The following PLEKHG4B variants were observed in gnomAD, a reference collection of about 807,000 sequenced individuals.
PLEKHG4B encodes the protein pleckstrin homology domain-containing family G member 4B.
A neutral mutation model predicts 121.3 loss-of-function variants in PLEKHG4B; 111 were observed. The observed-to-expected ratio is 0.92, with a 90% CI of 0.78 to 1.07. The LOEUF (loss-of-function observed/expected upper bound fraction) is 1.07. Ranked by LOEUF, PLEKHG4B falls within the 50% of genes least tolerant of loss-of-function variation. The pLI is 0.00. For synonymous variants in PLEKHG4B, 738 were observed against 725.0 expected (o/e 1.02, Z -0.29); for missense variants, 1,831 against 1,757.8 (o/e 1.04, Z -0.74).
chr5:186,179 C>T lies in PLEKHG4B; in HGVS notation c.*3856C>T, dbSNP rs1211120835. The T allele has an allele frequency of 6.6e-6, 1 of 152,138 alleles. No homozygotes were observed. The highest frequency in any genetic ancestry group is 2.1e-4 in the South Asian group (1 of 4,812). The allele number at this position is 152,138 out of a possible 1,614,324, so 9.4% of individuals were successfully genotyped here. On this transcript the variant is annotated 3_prime_UTR_variant, in exon 20 of 20. Coordinates refer to ENST00000637938, the MANE Select transcript of PLEKHG4B (RefSeq NM_052909.5). ...CAGCCCTGGTGTGAAACAGAGGCTT[C>T]CTGCTGGCAGAAGAGGCCCACCGAG...
intron 2 of PLEKHG4B, among the ~76,000 whole-genome samples, chr5:119,221 C>T (rs923977944): frequency 6.6e-6 from 1 of 151,998 alleles, no homozygotes; most frequent in Non-Finnish European, 1.5e-5. Context: ...CAACAAATAC[C>T]AAAGAATTTA....
intron 2 of PLEKHG4B, among the ~76,000 whole-genome samples, chr5:132,891 C>T (rs916821584): frequency 7.2e-5 from 11 of 152,058 alleles, no homozygotes; most frequent in Admixed American, 6.6e-4. Flanking sequence ...TTTTTGGTTC[C>T]ATATGAATGT....
intron 18 of PLEKHG4B, among the ~76,000 whole-genome samples, chr5:180,360 A>G (rs1201234221): frequency 6.6e-6 from 1 of 152,078 alleles, no homozygotes; most frequent in East Asian, 1.9e-4. Flanking sequence ...AATGTCTGGG[A>G]GTTTCCCAGG....
At chr5:155,064 G>C in intron 8 of PLEKHG4B, 73 bp downstream of exon 8, 3 of 1,336,710 alleles carry the variant, frequency 2.2e-6, no homozygotes, top group Non-Finnish European at 3.2e-6. Flanking sequence ...GTTTTTACTA[G>C]AATTTGAAAA....
intron 1 of PLEKHG4B, among the ~76,000 whole-genome samples, chr5:102,423 CA>C (rs747720803): frequency 5.3e-5 from 8 of 151,940 alleles, no homozygotes; most frequent in Non-Finnish European, 7.4e-5. Flanking sequence ...CCTACTAGAG[CA>C]ATGTAAATAA....
chr5:143,183 C>T lies in PLEKHG4B; in HGVS notation c.1614C>T (p.Phe538=). 1 of 1,611,846 alleles carries T rather than the reference C, an allele frequency of 6.2e-7. No individual in the cohort carries two copies. The highest frequency in any genetic ancestry group is 1.1e-5 in the South Asian group (1 of 91,082). The part of the protein sequence containing the change: ...QEGWPPGTGD[F]PSQVPKQVLD... The stretch of plus-strand genomic sequence containing the variant: ...GGTGGCCACCCGGCACAGGAGACTT[C>T]CCCAGCCAGGTGCCCAAGCAGGTGC... Residue 538 remains phenylalanine (F), a synonymous_variant, in exon 4 of 20, where the codon TTC becomes TTT. Transcript: ENST00000637938.
intron 1 of PLEKHG4B, among the ~76,000 whole-genome samples, chr5:93,224 A>G (rs1479995223): frequency 6.6e-6 from 1 of 152,142 alleles, no homozygotes; most frequent in Non-Finnish European, 1.5e-5. Flanking sequence ...TGGGTCCTGA[A>G]TCAAGATTCC....
rs941957486 is a variant in PLEKHG4B at position 157,920 on chromosome 5, T to C, written c.2487+1009T>C. On this transcript the variant is annotated intron_variant, in intron 11 of 19. Transcript: ENST00000637938. The surrounding 1 kb of genome is among the most constrained non-coding windows in gnomAD (Gnocchi z 4.6). ...GGCCTTCAGGTCCATGCGCGTGCCC[T>C]CACGGGGGCCTCCAGACAAAGACGT... Among the ~76,000 whole-genome samples, 3 of 152,150 alleles carry C rather than the reference T, an allele frequency of 2.0e-5. No homozygotes were observed. Among genetic ancestry groups the C allele is most frequent in the Admixed American group, 1.3e-4 (2 of 15,282 alleles).
intron 14 of PLEKHG4B, 45 bp from the exon 15 acceptor site, chr5:170,998 G>A: frequency 6.6e-7 from 1 of 1,518,346 alleles, no homozygotes; most frequent in Non-Finnish European, 9.0e-7. Flanking sequence ...TGCTGTCTCT[G>A]GGCCTGTCAC....
At chr5:154,473 A>G (rs1735703573) in intron 7 of PLEKHG4B, among the ~76,000 whole-genome samples, 1 of 152,156 alleles carries the variant, frequency 6.6e-6, no homozygotes, top group African/African-American at 2.4e-5. Flanking sequence ...TGCCCCAACA[A>G]TGAGCCTGAC....
At chr5:149,456 G>A (rs891946558) in intron 6 of PLEKHG4B, among the ~76,000 whole-genome samples, 3 of 152,096 alleles carry the variant, frequency 2.0e-5, no homozygotes, top group African/African-American at 4.8e-5. Context: ...TGGGAGGATC[G>A]CTTGAGCCCA....
chr5:134,765 C>CAAA (rs147226236), intron 2 of PLEKHG4B, among the ~76,000 whole-genome samples: 1 of 84,628 alleles, frequency 1.2e-5, no homozygotes, highest in African/African-American at 3.5e-5. Flanking sequence ...GACTCTGTCT[C>CAAA]AAAAAAAAAA....
intron 7 of PLEKHG4B, among the ~76,000 whole-genome samples, chr5:152,282 C>T (rs966466351): frequency 7.9e-5 from 12 of 151,086 alleles, no homozygotes; most frequent in African/African-American, 2.9e-4. Context: ...GCAATCAGAG[C>T]TTACTGTAAT....
rs563337897 is a variant in PLEKHG4B, at chr5:129,813, CT to C, written c.244-9660del. On this transcript the variant is annotated intron_variant, in intron 2 of 19. Transcript: ENST00000637938. The stretch of plus-strand genomic sequence containing the variant: ...ATAAAATATTTAGGGTATGTATGAC[CT>C]TTTTTTTTTGTCATTGCCTGCCTTA... 1.5e-4 allele frequency among the ~76,000 whole-genome samples: 23 copies of C among 148,456 alleles called. No homozygotes were observed. The South Asian group carries it at 2.4e-3, about 15-fold the overall frequency.
In PLEKHG4B at chr5:171,028, C is replaced by A; in HGVS notation, c.3730-15C>A. The A allele has an allele frequency of 1.9e-6, 3 of 1,602,448 alleles. No individual in the cohort carries two copies. In the South Asian group the frequency reaches 3.4e-5, roughly 18 times the overall value. ...TGTCACTCCCACAGCCAAGCAGTCG[C>A]CTCTGCTTTTCCAGGAAGAGCAGTT... is the stretch of plus-strand genomic sequence containing the variant. On this transcript the variant is annotated splice_polypyrimidine_tract_variant and intron_variant, in intron 14 of 19. Transcript: ENST00000637938.
At chr5:176,318 C>T (rs148660130) in intron 18 of PLEKHG4B, among the ~76,000 whole-genome samples, 1 of 152,238 alleles carries the variant, frequency 6.6e-6, no homozygotes, top group East Asian at 1.9e-4. Flanking sequence ...CTGTAGTGCA[C>T]AAAGTCTCCC....
intron 1 of PLEKHG4B, among the ~76,000 whole-genome samples, chr5:101,237 T>G (rs1733799248): frequency 1.6e-5 from 2 of 122,922 alleles, no homozygotes; most frequent in Admixed American, 7.7e-5. Context: ...TATAAAGCCC[T>G]GGAAAAAGTC....
intron 2 of PLEKHG4B, among the ~76,000 whole-genome samples, chr5:121,414 G>C (rs1398299162): frequency 6.6e-6 from 1 of 152,136 alleles, no homozygotes; most frequent in African/African-American, 2.4e-5. Flanking sequence ...CAGAGAGAAA[G>C]GAGAATGAGG....
Position 157,848 on chromosome 5 carries a change from G to T in PLEKHG4B, c.2487+937G>T, listed in dbSNP as rs1735842101. On this transcript the variant is annotated intron_variant, in intron 11 of 19. Coordinates refer to ENST00000637938, the MANE Select transcript of PLEKHG4B (RefSeq NM_052909.5). The surrounding 1 kb of genome is among the most constrained non-coding windows in gnomAD (Gnocchi z 4.6). ...GCCAGCAGCATGGAGAGGCAGCAGTGGGGTGGAGGCATCCCCAGCCCTCCT... is the reference window on the plus strand; with the variant it reads ...GCCAGCAGCATGGAGAGGCAGCAGTTGGGTGGAGGCATCCCCAGCCCTCCT... 6.6e-6 allele frequency among the ~76,000 whole-genome samples: 1 copy of T among 152,192 alleles called. No individual in the cohort carries two copies. Among genetic ancestry groups the T allele is most frequent in the Non-Finnish European group, 1.5e-5 (1 of 68,014 alleles).
Sources: gnomAD v4.1 joint callset for allele counts (sites outside exome capture counted in the v4.1 genomes callset) on GRCh38, gnomAD v4.1.1 for gene constraint, Gnocchi (gnomAD v3.1) non-coding constraint, MANE v1.5 for transcripts, NCBI Gene and HGNC (gene_info 2026-07-23, HGNC 2026-07-21) for gene names.